The following MEF2A variants were observed in gnomAD, a reference collection of about 807,000 sequenced individuals.
MEF2A encodes the protein myocyte enhancer factor 2A, also known as myocyte-specific enhancer factor 2A.
A neutral mutation model predicts 55.8 loss-of-function variants in MEF2A; 28 were observed. The observed-to-expected ratio is 0.50, with a 90% confidence interval of 0.37 to 0.69. The LOEUF (loss-of-function observed/expected upper bound fraction) is 0.69, where lower values mean the gene tolerates loss of function less well. Among genes scored for constraint, MEF2A ranks in the 30% least tolerant of loss-of-function variants. MEF2A has a pLI of 0.00. For missense variants in MEF2A, 528 were observed against 626.2 expected, an observed-to-expected ratio of 0.84 and a Z score of 1.67; for synonymous variants, 239 against 227.1, an observed-to-expected ratio of 1.05 and a Z score of -0.47.
intron 11 of MEF2A, among the ~76,000 whole-genome samples, chr15:99,711,883 A>G (rs577622484): frequency 6.6e-6 from 1 of 152,064 alleles, no homozygotes; most frequent in Non-Finnish European, 1.5e-5. Flanking sequence ...GGCCCGGGGA[A>G]CAGCCTGTTT....
At chr15:99,666,934 C>A (rs888807134) in intron 4 of MEF2A, among the ~76,000 whole-genome samples, 1 of 152,140 alleles carries the variant, frequency 6.6e-6, no homozygotes, top group Non-Finnish European at 1.5e-5. Context: ...TTATGAATTA[C>A]CACAAGAAGA....
chr15:99,714,227 G>T lies in MEF2A; in HGVS notation c.*1456G>T, dbSNP rs2058938835. ...ATCCTGCATAAGTATAAAATGTGTT[G>T]TAACAGATTTTGTAAGGCATTATTT... On this transcript the variant is annotated 3_prime_UTR_variant, in exon 12 of 12. Transcript: ENST00000557942. 6.6e-6 allele frequency: 1 copy of T among 152,150 alleles called. No homozygotes were observed. Among genetic ancestry groups the T allele is most frequent in the Non-Finnish European group, 1.5e-5 (1 of 68,034 alleles). 9.4% of individuals were successfully genotyped at this position (152,150 alleles called of 1,614,324 possible).
At chr15:99,580,911 C>G (rs1315834905) in intron 1 of MEF2A, among the ~76,000 whole-genome samples, 2 of 152,008 alleles carry the variant, frequency 1.3e-5, no homozygotes, top group Non-Finnish European at 2.9e-5. Context: ...TTCCTTTCTT[C>G]CAATAAATGG....
intron 1 of MEF2A, among the ~76,000 whole-genome samples, chr15:99,573,482 C>T (rs1336960037): frequency 6.6e-6 from 1 of 152,148 alleles, no homozygotes; most frequent in Non-Finnish European, 1.5e-5. Flanking sequence ...AGGGGCATTT[C>T]CTCAGATTCT....
At chr15:99,684,749 T>G (rs1567437806) in intron 7 of MEF2A, among the ~76,000 whole-genome samples, 1 of 152,238 alleles carries the variant, frequency 6.6e-6, no homozygotes, top group Non-Finnish European at 1.5e-5. Flanking sequence ...GCTTTTGGGT[T>G]CTTGATCATG....
chr15:99,645,420 G>T, intron 3 of MEF2A, 141 bp from the exon 4 acceptor site: 1 of 622,206 alleles, frequency 1.6e-6, no homozygotes, highest in Non-Finnish European at 2.8e-6. Flanking sequence ...GGAGAGGGAA[G>T]GCTCATATGG....
At chr15:99,687,782 T>C (rs1325289189) in intron 7 of MEF2A, among the ~76,000 whole-genome samples, 1 of 152,166 alleles carries the variant, frequency 6.6e-6, no homozygotes, top group Admixed American at 6.5e-5. Context: ...CTATGTGATA[T>C]GCCTGCTCTT....
chr15:99,687,047 G>A (rs939301962), intron 7 of MEF2A, among the ~76,000 whole-genome samples: 5 of 135,412 alleles, frequency 3.7e-5, no homozygotes, highest in Non-Finnish European at 6.6e-5. Flanking sequence ...TAGTTTCTGG[G>A]ACTACAGGTG....
intron 2 of MEF2A, among the ~76,000 whole-genome samples, chr15:99,623,987 A>G (rs1347934154): frequency 6.6e-6 from 1 of 151,822 alleles, no homozygotes; most frequent in Non-Finnish European, 1.5e-5. Context: ...TTTGTATATA[A>G]TAGAGATTGG....
At chr15:99,622,892 G>A (rs910209970) in intron 2 of MEF2A, among the ~76,000 whole-genome samples, 5 of 151,814 alleles carry the variant, frequency 3.3e-5, no homozygotes, top group Admixed American at 6.6e-5. Flanking sequence ...TTTTAGTAGA[G>A]ACGGGGTTTC....
In MEF2A at chr15:99,671,838, T is replaced by A. The variant is rs1346198075; in HGVS notation, c.390+384T>A. On this transcript the variant is annotated intron_variant, in intron 5 of 11. Transcript: ENST00000557942. ...GCTGAAATCTTATACATGTTCAGTATCTTAAATGTAGAAGTGAAGAGAAAA... is the reference window on the plus strand; with the variant it reads ...GCTGAAATCTTATACATGTTCAGTAACTTAAATGTAGAAGTGAAGAGAAAA... Among the ~76,000 whole-genome samples, 5 of 152,344 alleles carry A rather than the reference T, an allele frequency of 3.3e-5. No homozygotes were observed. The East Asian group carries it at 5.8e-4, about 18-fold the overall frequency.
chr15:99,618,483 C>T (rs555349499), intron 2 of MEF2A, among the ~76,000 whole-genome samples: 8 of 152,154 alleles, frequency 5.3e-5, no homozygotes, highest in South Asian at 2.1e-4. Context: ...TTATGGCCTG[C>T]GCTTTAAAGT....
intron 2 of MEF2A, among the ~76,000 whole-genome samples, chr15:99,607,668 GAGTT>G (rs911834078): frequency 6.6e-5 from 10 of 152,150 alleles, no homozygotes; most frequent in African/African-American, 2.2e-4. Flanking sequence ...TTATGAGAGT[GAGTT>G]GTTGGTGGTA....
At chr15:99,661,325 G>A (rs559235819) in intron 4 of MEF2A, among the ~76,000 whole-genome samples, 1 of 151,392 alleles carries the variant, frequency 6.6e-6, no homozygotes, top group Non-Finnish European at 1.5e-5. Flanking sequence ...CTTATATAAG[G>A]CATAAAAATC....
chr15:99,654,306 T>A (rs1432747166), intron 4 of MEF2A, among the ~76,000 whole-genome samples: 1 of 152,108 alleles, frequency 6.6e-6, no homozygotes, highest in Non-Finnish European at 1.5e-5. Context: ...TGCTATATTA[T>A]CCATTTATTT....
intron 2 of MEF2A, among the ~76,000 whole-genome samples, chr15:99,622,585 T>G (rs2041367501): frequency 6.6e-6 from 1 of 152,196 alleles, no homozygotes; most frequent in African/African-American, 2.4e-5. Context: ...TAAAACATAC[T>G]TAACATAGAA....
intron 7 of MEF2A, among the ~76,000 whole-genome samples, chr15:99,677,301 AGACTTT>A (rs1310956041): frequency 6.6e-6 from 1 of 152,152 alleles, no homozygotes; most frequent in Non-Finnish European, 1.5e-5. Context: ...TACTAGGCAC[AGACTTT>A]GACTTTAATA....
intron 1 of MEF2A, among the ~76,000 whole-genome samples, chr15:99,581,500 CA>C (rs1965914168): frequency 6.6e-6 from 1 of 151,766 alleles, no homozygotes; most frequent in Non-Finnish European, 1.5e-5. Context: ...GATCATTTGC[CA>C]AAACTCTTTC....
At chr15:99,674,682 A>C in intron 6 of MEF2A, 70 bp downstream of exon 6, 1 of 1,282,530 alleles carries the variant, frequency 7.8e-7, no homozygotes, top group Non-Finnish European at 1.1e-6. Flanking sequence ...TAACATAAGC[A>C]GTTTCTTATT....
Sources: allele counts gnomAD v4.1 joint callset (sites outside exome capture counted in the v4.1 genomes callset), GRCh38; gene constraint gnomAD v4.1.1; transcripts MANE v1.5; gene names NCBI Gene and HGNC (gene_info 2026-07-23, HGNC 2026-07-21).